Variants in CCNB3 observed in about 807,000 individuals in gnomAD.
CCNB3 encodes cyclin B3.
In CCNB3, 12 loss-of-function variants were observed where a neutral mutation model predicts 68.0. The ratio of observed to expected loss-of-function variants is 0.18; its 90% CI spans 0.11 to 0.29. The LOEUF (loss-of-function observed/expected upper bound fraction) is 0.29. Ranked by LOEUF, CCNB3 falls within the 10% of genes least tolerant of loss-of-function variation. The pLI is 1.00. For missense variants in CCNB3, 904 were observed against 993.1 expected, an observed-to-expected ratio of 0.91 and a Z score of 1.21; for synonymous variants, 354 against 388.9, an observed-to-expected ratio of 0.91 and a Z score of 1.06.
intron 4 of CCNB3, among the ~76,000 whole-genome samples, chrX:50,293,312 C>T (rs1035548981): frequency 1.8e-5 from 2 of 110,683 alleles, no homozygotes; most frequent in East Asian, 5.7e-4. Flanking sequence ...TTTCAAAAAG[C>T]CAGCTCCTGG....
At chrX:50,282,154 C>G (rs1936149057) in intron 1 of CCNB3, among the ~76,000 whole-genome samples, 1 of 111,304 alleles carries the variant, frequency 9.0e-6, no homozygotes, top group Admixed American at 9.7e-5. Flanking sequence ...GTTGCTTGTC[C>G]ATTGACCACA....
chrX:50,279,447 T>C (rs1419963496), intron 1 of CCNB3, among the ~76,000 whole-genome samples: 1 of 72,093 alleles, frequency 1.4e-5, no homozygotes, highest in Admixed American at 1.9e-4. Context: ...TATATATAAA[T>C]ATATAAATAT....
chrX:50,290,157 C>G (rs1362408690), intron 4 of CCNB3, among the ~76,000 whole-genome samples: 1 of 111,953 alleles, frequency 8.9e-6, no homozygotes, highest in Non-Finnish European at 1.9e-5. Context: ...CCCTCCAAGT[C>G]CCTGATGGGA....
chrX:50,342,471 C>T (rs956070493), intron 9 of CCNB3, 132 bp downstream of exon 9: 1 of 598,341 alleles, frequency 1.7e-6, no homozygotes. Flanking sequence ...ACTGCTTATA[C>T]TATGGTGGTC....
chrX:50,214,968 TG>T (rs1288427609), intron 1 of CCNB3, among the ~76,000 whole-genome samples: 4 of 108,767 alleles, frequency 3.7e-5, no homozygotes, highest in African/African-American at 1.0e-4. Context: ...CGTTTCCAAG[TG>T]TTTGGAGATT....
intron 5 of CCNB3, among the ~76,000 whole-genome samples, chrX:50,300,530 T>C (rs1346590539): frequency 8.9e-6 from 1 of 111,944 alleles, no homozygotes; most frequent in African/African-American, 3.2e-5. Context: ...CTTCCCTTTG[T>C]GGGTAACCCG....
intron 1 of CCNB3, among the ~76,000 whole-genome samples, chrX:50,279,318 T>A (rs1437495027): frequency 1.4e-5 from 1 of 72,300 alleles, no homozygotes; most frequent in East Asian, 4.0e-4. Flanking sequence ...ATATTTAATA[T>A]ATATTTAAAT....
intron 8 of CCNB3, among the ~76,000 whole-genome samples, chrX:50,330,798 C>T (rs1415493498): frequency 8.9e-6 from 1 of 111,833 alleles, no homozygotes; most frequent in Non-Finnish European, 1.9e-5. Flanking sequence ...AACTACTTGC[C>T]CTTGATCATC....
intron 8 of CCNB3, among the ~76,000 whole-genome samples, chrX:50,329,519 A>G (rs1216012746): frequency 8.9e-6 from 1 of 112,805 alleles, no homozygotes; most frequent in Non-Finnish European, 1.9e-5. Flanking sequence ...TTTGAACTGC[A>G]GCTGGAGCTT....
chrX:50,279,423 AATATATATAAAT>A (rs1454910643), intron 1 of CCNB3, among the ~76,000 whole-genome samples: 2,298 of 76,133 alleles, frequency 0.03, 125 homozygotes, highest in African/African-American at 0.12. Context: ...TAAATATATA[AATATATATAAAT>A]ATATATATAA....
rs1921186841 is a variant in CCNB3 at position 50,308,259 on chromosome X, A to G, written c.336-246A>G. ...ATAAGGTAATGAAGCATATATAAGA[A>G]AGCATAACATGAATTTCTATGGAAA... On this transcript the variant is annotated intron_variant, in intron 5 of 12. Transcript: ENST00000376042. Among the ~76,000 whole-genome samples the G allele has an allele frequency of 2.7e-5, 3 of 112,213 alleles. No homozygotes were observed. The Admixed American group carries it at 2.8e-4, about 11-fold the overall frequency.
intron 1 of CCNB3, among the ~76,000 whole-genome samples, chrX:50,228,726 T>C (rs1935986663): frequency 3.0e-5 from 2 of 66,818 alleles, no homozygotes; most frequent in African/African-American, 1.2e-4. Flanking sequence ...AAAGAATATA[T>C]ATAGAATATA....
chrX:50,343,183 T>A (rs984384016), intron 9 of CCNB3, among the ~76,000 whole-genome samples: 1 of 111,143 alleles, frequency 9.0e-6, no homozygotes, highest in Non-Finnish European at 1.9e-5. Context: ...TGGAAGACAG[T>A]GATATTAATG....
intron 8 of CCNB3, among the ~76,000 whole-genome samples, chrX:50,327,721 C>T (rs1557217481): frequency 8.9e-6 from 1 of 111,915 alleles, no homozygotes; most frequent in Admixed American, 9.5e-5. Context: ...CATGCATGAG[C>T]TCGTCCCATC....
intron 1 of CCNB3, among the ~76,000 whole-genome samples, chrX:50,210,626 C>T (rs1935467997): frequency 9.0e-6 from 1 of 111,048 alleles, no homozygotes; most frequent in Non-Finnish European, 1.9e-5. Flanking sequence ...ACTTAGCGAA[C>T]AGATTTTTTT....
At chrX:50,306,792 A>C (rs782078502) in intron 5 of CCNB3, among the ~76,000 whole-genome samples, 1 of 111,586 alleles carries the variant, frequency 9.0e-6, no homozygotes, top group East Asian at 2.8e-4. Flanking sequence ...TTGAGTGTTA[A>C]ATTAATTTTG....
chrX:50,309,423 G>T lies in CCNB3; in HGVS notation c.1254G>T (p.Leu418Phe). 8.3e-7 allele frequency: 1 copy of T among 1,211,393 alleles called. No homozygotes were observed. Among genetic ancestry groups the T allele is most frequent in the Non-Finnish European group, 1.1e-6 (1 of 895,378 alleles). The change falls in exon 6 of 13, where the codon TTG becomes TTT. Residue 418 changes from leucine to phenylalanine, a missense_variant. Coordinates refer to ENST00000376042, the MANE Select transcript of CCNB3 (RefSeq NM_033031.3). ...AGAAGTCGCTCATTATGAAGCCATT[G>T]TCCATTAAAGAAAAGCCATCTACTG... Reference protein sequence around the residue: ...SGEKSLIMKPLSIKEKPSTEK... With the variant: ...SGEKSLIMKPFSIKEKPSTEK...
intron 5 of CCNB3, among the ~76,000 whole-genome samples, chrX:50,298,261 T>G (rs184615565): frequency 8.9e-6 from 1 of 111,791 alleles, no homozygotes; most frequent in African/African-American, 3.3e-5. Context: ...TGATATTGGC[T>G]GTGGGTTTGT....
chrX:50,333,620 G>A (rs1176187948), intron 8 of CCNB3, among the ~76,000 whole-genome samples: 1 of 111,250 alleles, frequency 9.0e-6, no homozygotes, highest in African/African-American at 3.3e-5. Flanking sequence ...AGCAACTGTG[G>A]CACAGCTACT....
Sources: allele counts gnomAD v4.1 joint callset (sites outside exome capture counted in the v4.1 genomes callset), GRCh38; gene constraint gnomAD v4.1.1; transcripts MANE v1.5; gene names NCBI Gene and HGNC (gene_info 2026-07-23, HGNC 2026-07-21).